Variants in ZNF527 observed in about 807,000 individuals in gnomAD.
ZNF527 encodes the protein zinc finger protein 527.
Under a neutral mutation model 13.5 loss-of-function variants are expected in ZNF527, and 5 were observed. The ratio of observed to expected loss-of-function variants is 0.37; its 90% CI spans 0.19 to 0.78. The LOEUF (loss-of-function observed/expected upper bound fraction) is 0.78. ZNF527 is among the 30% of genes least tolerant of loss of function. The probability of loss-of-function intolerance (pLI) is 0.48; values close to 1 mark genes in which losing one functional copy is unlikely to be tolerated. For missense variants in ZNF527, 628 were observed against 726.4 expected, an observed-to-expected ratio of 0.86 and a Z score of 1.56; for synonymous variants, 209 against 243.1, an observed-to-expected ratio of 0.86 and a Z score of 1.30.
chr19:37,383,395 C>A (rs1216808052), intron 4 of ZNF527, among the ~76,000 whole-genome samples: 1 of 151,850 alleles, frequency 6.6e-6, no homozygotes, highest in East Asian at 1.9e-4. Context: ...ACCATCATGC[C>A]CAGATAATTT....
intron 4 of ZNF527, chr19:37,384,731 AG>A (rs1307690973): frequency 7.8e-6 from 4 of 509,874 alleles, no homozygotes; most frequent in African/African-American, 7.7e-5. Context: ...TGCTGATATG[AG>A]GAAGGGAAAT....
chr19:37,389,945 C>T lies in ZNF527; in HGVS notation c.*66C>T. 2 of 1,491,330 alleles carry T rather than the reference C, an allele frequency of 1.3e-6. No homozygotes were observed. Among genetic ancestry groups the T allele is most frequent in the South Asian group, 1.4e-5 (1 of 71,166 alleles). 92.4% of individuals were successfully genotyped at this position (1,491,330 alleles called of 1,614,324 possible). A position where few individuals can be genotyped will look rare whatever the true frequency, so the allele number is the denominator to read the frequency against. ...AATCCTTATTAAATATTAGTGAGTTCTTTTTGGTTAGTAATTCTTTGAATG... is the reference window on the plus strand; with the variant it reads ...AATCCTTATTAAATATTAGTGAGTTTTTTTTGGTTAGTAATTCTTTGAATG... On this transcript the variant is annotated 3_prime_UTR_variant, in exon 5 of 5. Coordinates refer to ENST00000436120, the MANE Select transcript of ZNF527 (RefSeq NM_032453.2).
chr19:37,389,936 TAGTG>T lies in ZNF527; in HGVS notation c.*61_*64del, dbSNP rs1242942508. The T allele has an allele frequency of 6.6e-6, 10 of 1,505,292 alleles. No homozygotes were observed. The African/African-American group carries it at 1.1e-4, about 17-fold the overall frequency. The allele number at this position is 1,505,292 out of a possible 1,614,324, so 93.2% of individuals were successfully genotyped here. On this transcript the variant is annotated 3_prime_UTR_variant, in exon 5 of 5. Transcript: ENST00000436120. The stretch of plus-strand genomic sequence containing the variant: ...TTACCACTCAATCCTTATTAAATAT[TAGTG>T]AGTTCTTTTTGGTTAGTAATTCTTT...
intron 3 of ZNF527, 77 bp from the exon 4 acceptor site, chr19:37,380,200 G>T: frequency 6.3e-7 from 1 of 1,582,594 alleles, no homozygotes; most frequent in South Asian, 1.2e-5. Context: ...CTGCGTCCTA[G>T]ACAGCTGTGG....
At chr19:37,376,928 T>C (rs1015764630) in intron 2 of ZNF527, among the ~76,000 whole-genome samples, 1 of 152,174 alleles carries the variant, frequency 6.6e-6, no homozygotes, top group African/African-American at 2.4e-5. Context: ...ATTTTAGATA[T>C]GTTGGGTTAA....
In ZNF527 at chr19:37,389,874, C is replaced by T. The variant is rs1442508418; in HGVS notation, c.1825C>T (p.Leu609Phe). 6.3e-7 allele frequency: 1 copy of T among 1,586,270 alleles called. No individual in the cohort carries two copies. The highest frequency in any genetic ancestry group is 1.8e-5 in the Admixed American group (1 of 54,822). ...TCAGAGAATTCATAATAGAGAAACG[C>T]TCTGATTATAACAAGTATAGGAAAG... ...RHQRIHNRET[L>F] Residue 609 changes from leucine to phenylalanine, a missense_variant, in exon 5 of 5, where the codon CTC (leucine) becomes TTC (phenylalanine). This residue lies in a region of ZNF527 where 592 missense variants were observed against 678.0 expected (regional missense o/e 0.87). Coordinates refer to ENST00000436120, the MANE Select transcript of ZNF527 (RefSeq NM_032453.2).
chr19:37,390,654 T>C lies in ZNF527; in HGVS notation c.*775T>C, dbSNP rs10404920. ...GAAATCTAACAGAGGAAAATGGAGA[T>C]GAGAGACAGAAATATGATGATACAG... is the stretch of plus-strand genomic sequence containing the variant. On this transcript the variant is annotated 3_prime_UTR_variant, in exon 5 of 5. Transcript: ENST00000436120. 0.21 allele frequency: 31,514 copies of C among 152,108 alleles called. 3,478 individuals carry two copies. Among genetic ancestry groups the C allele is most frequent in the South Asian group, 0.31 (1,502 of 4,820 alleles). 9.4% of individuals were successfully genotyped at this position (152,108 alleles called of 1,614,324 possible). A position where few individuals can be genotyped will look rare whatever the true frequency, so the allele number is the denominator to read the frequency against.
At chr19:37,376,551 GTAA>G (rs1349322913) in intron 2 of ZNF527, among the ~76,000 whole-genome samples, 1 of 151,748 alleles carries the variant, frequency 6.6e-6, no homozygotes, top group African/African-American at 2.4e-5. Context: ...GCGCATGCCT[GTAA>G]TCCCAGCTAC....
intron 4 of ZNF527, among the ~76,000 whole-genome samples, chr19:37,382,502 T>C (rs2040662675): frequency 6.6e-6 from 1 of 152,204 alleles, no homozygotes; most frequent in African/African-American, 2.4e-5. Flanking sequence ...TTTCTTTTTC[T>C]GATAATGAGA....
chr19:37,373,375 C>A (rs1023520265), intron 1 of ZNF527, among the ~76,000 whole-genome samples: 3 of 152,126 alleles, frequency 2.0e-5, no homozygotes, highest in African/African-American at 7.2e-5. Flanking sequence ...AAATTACTTG[C>A]CCAACACAGC....
intron 2 of ZNF527, among the ~76,000 whole-genome samples, chr19:37,375,286 C>CTTTCTTTCT (rs1344502903): frequency 8.2e-6 from 1 of 122,594 alleles, no homozygotes; most frequent in African/African-American, 3.5e-5. Context: ...TTCTTTCTTT[C>CTTTCTTTCT]TTTCTTTCTT....
At chr19:37,380,479 T>C in intron 4 of ZNF527, 107 bp downstream of exon 4, 1 of 845,000 alleles carries the variant, frequency 1.2e-6, no homozygotes, top group Non-Finnish European at 1.8e-6. Flanking sequence ...GAAATCTCCA[T>C]AGTATGTGCT....
chr19:37,389,328 A>G lies in ZNF527; in HGVS notation c.1279A>G (p.Ile427Val). ...GTGTGGAAAAGCCTTCAGCAGACGC[A>G]TAGCCCTTACTCTACATCAAAGAAT... ...NQCGKAFSRR[I>V]ALTLHQRIHT... The change falls in exon 5 of 5, where the codon ATA (isoleucine) becomes GTA (valine). Residue 427 changes from isoleucine to valine, a missense_variant. This residue lies in a region of ZNF527 where 592 missense variants were observed against 678.0 expected (regional missense o/e 0.87). Coordinates refer to ENST00000436120, the MANE Select transcript of ZNF527 (RefSeq NM_032453.2). 6.2e-7 allele frequency: 1 copy of G among 1,613,994 alleles called. No individual in the cohort carries two copies. Among genetic ancestry groups the G allele is most frequent in the African/African-American group, 1.3e-5 (1 of 74,992 alleles).
At chr19:37,386,833 A>G (rs1381919848) in intron 4 of ZNF527, among the ~76,000 whole-genome samples, 6 of 152,192 alleles carry the variant, frequency 3.9e-5, no homozygotes. Context: ...GGTAAGATGG[A>G]GTATAGTGGC....
intron 2 of ZNF527, among the ~76,000 whole-genome samples, chr19:37,378,831 CT>C (rs763145697): frequency 6.6e-6 from 1 of 152,094 alleles, no homozygotes; most frequent in Non-Finnish European, 1.5e-5. Flanking sequence ...ATAAGATTTT[CT>C]TTATACTTAG....
At chr19:37,372,462 CTTTTCTTTTTTT>C (rs2040565915) in intron 1 of ZNF527, among the ~76,000 whole-genome samples, 1 of 106,690 alleles carries the variant, frequency 9.4e-6, no homozygotes, top group Admixed American at 9.4e-5. Flanking sequence ...CTTTTCTTTT[CTTTTCTTTTTTT>C]TTTTTTTTTT....
intron 4 of ZNF527, among the ~76,000 whole-genome samples, chr19:37,381,868 T>A (rs2040656582): frequency 6.6e-6 from 1 of 152,112 alleles, no homozygotes. Flanking sequence ...TATTTATGGA[T>A]TTTTTTCCTA....
rs936479502 is a variant in ZNF527 at position 37,390,121 on chromosome 19, T to C, written c.*242T>C. The C allele has an allele frequency of 2.4e-5, 8 of 328,672 alleles. No individual in the cohort carries two copies. The highest frequency in any genetic ancestry group is 1.8e-4 in the East Asian group (3 of 16,552). 20.4% of individuals were successfully genotyped at this position (328,672 alleles called of 1,614,324 possible). A position where few individuals can be genotyped will look rare whatever the true frequency, so the allele number is the denominator to read the frequency against. On this transcript the variant is annotated 3_prime_UTR_variant, in exon 5 of 5. Coordinates refer to ENST00000436120, the MANE Select transcript of ZNF527 (RefSeq NM_032453.2). ...TTGGCTCACTGCAGCCTCTGCCTCCTGGGTTCAAGCAATCCTCCTGCCTCA... is the reference window on the plus strand; with the variant it reads ...TTGGCTCACTGCAGCCTCTGCCTCCCGGGTTCAAGCAATCCTCCTGCCTCA...
Position 37,388,996 on chromosome 19 carries a change from TTCTC to T in ZNF527, c.948_951del (p.Phe316LeufsTer111), listed in dbSNP as rs778932562. On this transcript the variant is annotated frameshift_variant, in exon 5 of 5. Coordinates refer to ENST00000436120, the MANE Select transcript of ZNF527 (RefSeq NM_032453.2). LOFTEE classifies it low-confidence loss of function (END_TRUNC). ...GGAAAAGCCTTTAGCCACGACTTCT[TTCTC>T]AGTGAACATCAAAGAACTCATATTG... The T allele has an allele frequency of 6.2e-7, 1 of 1,614,170 alleles. No homozygotes were observed. The highest frequency in any genetic ancestry group is 8.5e-7 in the Non-Finnish European group (1 of 1,180,022).
Sources: allele counts gnomAD v4.1 joint callset (sites outside exome capture counted in the v4.1 genomes callset), GRCh38; gene constraint gnomAD v4.1.1; regional missense constraint gnomAD v4.1.1; transcripts MANE v1.5; gene names NCBI Gene and HGNC (gene_info 2026-07-23, HGNC 2026-07-21).